Variants in CNTNAP2 observed in about 807,000 individuals in gnomAD.
The protein encoded by CNTNAP2 is contactin associated protein 2.
In CNTNAP2, 98 loss-of-function variants were observed where a neutral mutation model predicts 155.2. The observed-to-expected ratio is 0.63, with a 90% CI of 0.54 to 0.75. The LOEUF is 0.75. CNTNAP2 is among the 30% of genes least tolerant of loss of function. The pLI is 0.00. For missense variants in CNTNAP2, 1,727 were observed against 1,688.1 expected (o/e 1.02, Z -0.40); for synonymous variants, 651 against 631.2 (o/e 1.03, Z -0.47).
chr7:147,794,949 G>T (rs1166114976), intron 13 of CNTNAP2, among the ~76,000 whole-genome samples: 1 of 150,262 alleles, frequency 6.7e-6, no homozygotes, highest in East Asian at 1.9e-4. Context: ...TTTCATTTTT[G>T]ATTTTAGTAG....
chr7:147,706,181 G>GTTT (rs767715009), intron 13 of CNTNAP2, among the ~76,000 whole-genome samples: 2 of 133,540 alleles, frequency 1.5e-5, no homozygotes, highest in African/African-American at 2.7e-5. Context: ...AACATTTGAG[G>GTTT]TTTTTTTTTT....
At chr7:147,500,683 C>T (rs1354712144) in intron 11 of CNTNAP2, among the ~76,000 whole-genome samples, 1 of 152,120 alleles carries the variant, frequency 6.6e-6, no homozygotes, top group Non-Finnish European at 1.5e-5. Flanking sequence ...AAGATAGGTT[C>T]ATCAGACTCG....
intron 1 of CNTNAP2, among the ~76,000 whole-genome samples, chr7:146,537,058 C>T (rs1215776273): frequency 6.6e-6 from 1 of 151,950 alleles, no homozygotes; most frequent in Non-Finnish European, 1.5e-5. Context: ...GTTTCATAAC[C>T]TAAGGCATGG....
chr7:147,443,508 C>T (rs1040217454), intron 10 of CNTNAP2, among the ~76,000 whole-genome samples: 1 of 152,034 alleles, frequency 6.6e-6, no homozygotes, highest in South Asian at 2.1e-4. Context: ...AGTTAAAATC[C>T]AGCACTGCGA....
intron 8 of CNTNAP2, among the ~76,000 whole-genome samples, chr7:147,259,848 AG>A (rs1804416762): frequency 6.6e-6 from 1 of 152,208 alleles, no homozygotes. Flanking sequence ...CTATTCAATT[AG>A]GTTTTTGGAA....
intron 9 of CNTNAP2, among the ~76,000 whole-genome samples, chr7:147,312,161 C>T (rs1240529106): frequency 2.0e-5 from 3 of 151,902 alleles, no homozygotes; most frequent in Admixed American, 6.6e-5. Context: ...TTTTTAATTT[C>T]TCTTTCTACT....
intron 14 of CNTNAP2, among the ~76,000 whole-genome samples, chr7:147,947,857 T>C (rs1402051138): frequency 6.6e-6 from 1 of 152,190 alleles, no homozygotes; most frequent in Non-Finnish European, 1.5e-5. Flanking sequence ...GATGCCTGGC[T>C]TTCATTTTTT....
chr7:147,396,005 T>C (rs1336864344), intron 10 of CNTNAP2, among the ~76,000 whole-genome samples: 1 of 148,948 alleles, frequency 6.7e-6, no homozygotes, highest in Non-Finnish European at 1.5e-5. Context: ...ATATCATATA[T>C]AGCATATATA....
At chr7:147,807,993 A>AAT (rs1563096644) in intron 13 of CNTNAP2, among the ~76,000 whole-genome samples, 11 of 152,032 alleles carry the variant, frequency 7.2e-5, no homozygotes, top group Non-Finnish European at 1.6e-4. Flanking sequence ...TTTTAAAAAA[A>AAT]AAAAATAAAA....
chr7:147,243,901 T>G (rs1563131040), intron 8 of CNTNAP2, among the ~76,000 whole-genome samples: 1 of 152,120 alleles, frequency 6.6e-6, no homozygotes, highest in African/African-American at 2.4e-5. Flanking sequence ...AAATTGTAAT[T>G]TATAATTATG....
intron 3 of CNTNAP2, among the ~76,000 whole-genome samples, chr7:146,942,010 C>T (rs111858400): frequency 0.039 from 5,885 of 152,022 alleles, 127 homozygotes; most frequent in South Asian, 0.075. Context: ...GAACTTTGAC[C>T]TTCCTGTACC....
chr7:146,116,891 G>T lies in CNTNAP2; in HGVS notation c.15G>T (p.Pro5=), dbSNP rs1180036875. The stretch of plus-strand genomic sequence containing the variant: ...GGAGGCGAAGGATGCAGGCGGCTCC[G>T]CGCGCCGGCTGCGGGGCAGCGCTCC... The part of the protein sequence containing the change: MQAA[P]RAGCGAALLL... Residue 5 remains proline, a synonymous_variant, in exon 1 of 24, where the codon CCG becomes CCT. Transcript: ENST00000361727. The surrounding 1 kb of genome is among the most constrained non-coding windows in gnomAD (Gnocchi z 5.5). 3 of 1,546,066 alleles carry T rather than the reference G, an allele frequency of 1.9e-6. No individual in the cohort carries two copies. Among genetic ancestry groups the T allele is most frequent in the Admixed American group, 2.0e-5 (1 of 51,258 alleles).
intron 2 of CNTNAP2, among the ~76,000 whole-genome samples, chr7:146,778,428 C>T (rs186319831): frequency 2.9e-4 from 44 of 152,222 alleles, no homozygotes; most frequent in African/African-American, 9.2e-4. Flanking sequence ...AAAATCCATG[C>T]GTAATTCTGA....
Position 146,676,961 on chromosome 7 carries a change from C to G in CNTNAP2, c.98-97310C>G, listed in dbSNP as rs562325634. 8.3e-4 allele frequency among the ~76,000 whole-genome samples: 126 copies of G among 152,284 alleles called. 2 individuals are homozygous for G. The highest frequency in any genetic ancestry group is 2.7e-3 in the African/African-American group (111 of 41,556). On this transcript the variant is annotated intron_variant, in intron 1 of 23. Transcript: ENST00000361727. ...TTGGCACTTCTACACTAAAAAGTAT[C>G]CAAGACAAGTCTCAATCAATTTAGA...
chr7:148,129,994 A>G (rs922955169), intron 16 of CNTNAP2, among the ~76,000 whole-genome samples: 1 of 152,144 alleles, frequency 6.6e-6, no homozygotes, highest in Non-Finnish European at 1.5e-5. Flanking sequence ...TAGTCAGGAG[A>G]TCTCCTAACA....
intron 1 of CNTNAP2, among the ~76,000 whole-genome samples, chr7:146,135,507 A>C (rs1373262938): frequency 1.3e-5 from 2 of 152,056 alleles, no homozygotes; most frequent in African/African-American, 4.8e-5. Flanking sequence ...CCTCTTATAA[A>C]CCTCAGTCTT....
In CNTNAP2 at chr7:146,172,813, G is replaced by T. The variant is rs371099075; in HGVS notation, c.97+55840G>T. Among the ~76,000 whole-genome samples the T allele has an allele frequency of 6.4e-4, 98 of 152,200 alleles. 1 individual carries two copies. The highest frequency in any genetic ancestry group is 2.1e-3 in the African/African-American group (89 of 41,516). ...TAGTGTTTTTCAACGCATTTTGTTT[G>T]GAATACAGACATGCAAGATATTCTG... On this transcript the variant is annotated intron_variant, in intron 1 of 23. Coordinates refer to ENST00000361727, the MANE Select transcript of CNTNAP2 (RefSeq NM_014141.6).
At chr7:147,958,992 T>C (rs1801071306) in intron 14 of CNTNAP2, among the ~76,000 whole-genome samples, 1 of 152,166 alleles carries the variant, frequency 6.6e-6, no homozygotes, top group Non-Finnish European at 1.5e-5. Flanking sequence ...AACATAACTC[T>C]ATACAAAAAG....
chr7:146,907,381 T>A (rs1176275606), intron 3 of CNTNAP2, among the ~76,000 whole-genome samples: 1 of 147,272 alleles, frequency 6.8e-6, no homozygotes, highest in Non-Finnish European at 1.5e-5. Context: ...AAGGAAAAAA[T>A]GTTAAGGGCA....
Sources: gnomAD v4.1 joint callset for allele counts (sites outside exome capture counted in the v4.1 genomes callset) on GRCh38, gnomAD v4.1.1 for gene constraint, Gnocchi (gnomAD v3.1) non-coding constraint, MANE v1.5 for transcripts, NCBI Gene and HGNC (gene_info 2026-07-23, HGNC 2026-07-21) for gene names.